MED13L: variants seen among roughly 807,000 people sequenced by gnomAD.
MED13L encodes mediator of RNA polymerase II transcription subunit 13-like.
In MED13L, 7 loss-of-function variants were observed where a neutral mutation model predicts 220.9. The ratio of observed to expected loss-of-function variants is 0.03; its 90% CI spans 0.02 to 0.06. The LOEUF is 0.06. MED13L is among the 10% of genes least tolerant of loss of function. The probability of loss-of-function intolerance (pLI) is 1.00; values close to 1 mark genes in which losing one functional copy is unlikely to be tolerated. For synonymous variants in MED13L, 1,011 were observed against 1,015.2 expected, an observed-to-expected ratio of 1.00 and a Z score of 0.08; for missense variants, 1,965 against 2,760.5, an observed-to-expected ratio of 0.71 and a Z score of 6.46.
At chr12:115,997,840 TAAG>T (rs1439070955) in intron 14 of MED13L, among the ~76,000 whole-genome samples, 1 of 152,242 alleles carries the variant, frequency 6.6e-6, no homozygotes, top group Non-Finnish European at 1.5e-5. Context: ...CTGAAAAGTC[TAAG>T]GAGAGGAATT....
Position 116,111,493 on chromosome 12 carries a change from C to A in MED13L, c.330G>T (p.Trp110Cys). The change falls in exon 3 of 31, where the codon TGG (tryptophan) becomes TGT (cysteine). Residue 110 changes from tryptophan to cysteine, a missense_variant. Physicochemically the swap from Trp to Cys is radical, Grantham distance 215. Around this residue, in one of 10 missense-constraint regions of MED13L, gnomAD observed 818 missense variants for 1,041.2 expected, o/e 0.79. Coordinates refer to ENST00000281928, the MANE Select transcript of MED13L (RefSeq NM_015335.5). ...HELQVVEEGLWENGLSYECRT... is the reference protein window; with the variant it reads ...HELQVVEEGLCENGLSYECRT... ...TACATTCATAGGAAAGGCCATTTTC[C>A]CAGAGTCCTTCTTCCACAACTGAAA... 1 of 1,609,234 alleles carries A rather than the reference C, an allele frequency of 6.2e-7. No homozygotes were observed.
chr12:116,087,265 CA>C (rs1425589424), intron 4 of MED13L, among the ~76,000 whole-genome samples: 2 of 151,852 alleles, frequency 1.3e-5, no homozygotes, highest in African/African-American at 4.8e-5. Flanking sequence ...AAATTCATCA[CA>C]AAAAAGGCAA....
chr12:116,045,021 A>G (rs1881750023), intron 4 of MED13L, among the ~76,000 whole-genome samples: 1 of 152,202 alleles, frequency 6.6e-6, no homozygotes, highest in African/African-American at 2.4e-5. Context: ...GACCCTACAG[A>G]TAACTACAAA....
chr12:116,135,230 A>C (rs58471589), intron 2 of MED13L, among the ~76,000 whole-genome samples: 22,712 of 152,180 alleles, frequency 0.15, 1,909 homozygotes, highest in Middle Eastern at 0.21. Flanking sequence ...AGGTTAGAAA[A>C]GCCATGCAAG....
chr12:116,170,563 A>G (rs1260486186), intron 2 of MED13L, among the ~76,000 whole-genome samples: 1 of 151,850 alleles, frequency 6.6e-6, no homozygotes, highest in Non-Finnish European at 1.5e-5. Context: ...ACATGTATTA[A>G]AGGGTCAAAA....
intron 2 of MED13L, among the ~76,000 whole-genome samples, chr12:116,189,409 G>A (rs1316680756): frequency 4.0e-5 from 6 of 151,812 alleles, no homozygotes; most frequent in Non-Finnish European, 7.4e-5. Flanking sequence ...CTAGCTCTCT[G>A]TCAGACATGC....
chr12:115,985,766 A>G (rs1877648331), intron 19 of MED13L, among the ~76,000 whole-genome samples: 1 of 152,232 alleles, frequency 6.6e-6, no homozygotes, highest in South Asian at 2.1e-4. Context: ...TTCAGTATTA[A>G]GATGTCATGT....
chr12:116,121,729 C>A (rs1199048009), intron 2 of MED13L, among the ~76,000 whole-genome samples: 1 of 152,172 alleles, frequency 6.6e-6, no homozygotes, highest in Non-Finnish European at 1.5e-5. Flanking sequence ...AAATGAACGT[C>A]TAGACATCAA....
In MED13L at chr12:116,084,646, G is replaced by A. The variant is rs192697957; in HGVS notation, c.479+12023C>T. Among the ~76,000 whole-genome samples, 21 of 152,056 alleles carry A rather than the reference G, an allele frequency of 1.4e-4. No individual in the cohort carries two copies. The East Asian group carries it at 2.9e-3, about 21-fold the overall frequency. ...TCTAAAATACAAAAATTAGCCGGGC[G>A]TGGTGGCATGCACCTGTAATCCCAG... On this transcript the variant is annotated intron_variant, in intron 4 of 30. Coordinates refer to ENST00000281928, the MANE Select transcript of MED13L (RefSeq NM_015335.5).
At chr12:116,263,472 A>G (rs887177160) in intron 1 of MED13L, among the ~76,000 whole-genome samples, 4 of 152,180 alleles carry the variant, frequency 2.6e-5, no homozygotes, top group Non-Finnish European at 5.9e-5. Flanking sequence ...CTCCTCCCAC[A>G]CTAACTATTC....
Position 115,980,954 on chromosome 12 carries a change from C to CAAAAAA in MED13L, c.5176-22_5176-17dup. 7.4e-7 allele frequency: 1 copy of CAAAAAA among 1,357,928 alleles called. No individual in the cohort carries two copies. The highest frequency in any genetic ancestry group is 1.0e-6 in the Non-Finnish European group (1 of 999,290). The allele number at this position is 1,357,928 out of a possible 1,614,324, so 84.1% of individuals were successfully genotyped here. On this transcript the variant is annotated splice_polypyrimidine_tract_variant and intron_variant, in intron 22 of 30. Coordinates refer to ENST00000281928, the MANE Select transcript of MED13L (RefSeq NM_015335.5). ...AAGGCACAATCTAAAGACACAAATA[C>CAAAAAA]AAAAAAAAAACAAAAACCAAAAACC...
intron 27 of MED13L, 53 bp from the exon 28 acceptor site, chr12:115,969,150 T>C (rs1465122693): frequency 4.5e-6 from 7 of 1,569,698 alleles, no homozygotes; most frequent in Non-Finnish European, 4.4e-6. Flanking sequence ...AGTCCACATA[T>C]CAATATCATA....
chr12:116,277,213 T>G lies in MED13L; in HGVS notation c.-82A>C, dbSNP rs1008495312. 5 of 830,752 alleles carry G rather than the reference T, an allele frequency of 6.0e-6. No individual in the cohort carries two copies. Among genetic ancestry groups the G allele is most frequent in the African/African-American group, 1.9e-5 (1 of 52,574 alleles). 51.5% of individuals were successfully genotyped at this position (830,752 alleles called of 1,614,324 possible). ...CGAGGCCGGGCCGGGCGGCGGCGCC[T>G]CGCCGGGGAGCGCGGGGCGGCCGGG... On this transcript the variant is annotated 5_prime_UTR_variant, in exon 1 of 31. Coordinates refer to ENST00000281928, the MANE Select transcript of MED13L (RefSeq NM_015335.5).
intron 2 of MED13L, among the ~76,000 whole-genome samples, chr12:116,170,156 T>C (rs1375037778): frequency 2.0e-5 from 3 of 152,256 alleles, no homozygotes; most frequent in Admixed American, 1.3e-4. Flanking sequence ...ACAGATTCTG[T>C]ATGTTGACAC....
At chr12:116,239,574 C>G (rs973053397) in intron 1 of MED13L, among the ~76,000 whole-genome samples, 1 of 152,064 alleles carries the variant, frequency 6.6e-6, no homozygotes, top group Non-Finnish European at 1.5e-5. Context: ...ATAATTTAGC[C>G]ATCCCATACC....
chr12:116,073,512 G>A (rs1057045334), intron 4 of MED13L, among the ~76,000 whole-genome samples: 4 of 152,164 alleles, frequency 2.6e-5, no homozygotes, highest in African/African-American at 9.7e-5. Flanking sequence ...CTAAATGAAT[G>A]TAAAAGAGTG....
At chr12:116,224,397 C>T (rs1006866495) in intron 2 of MED13L, among the ~76,000 whole-genome samples, 2 of 152,138 alleles carry the variant, frequency 1.3e-5, no homozygotes, top group Admixed American at 1.3e-4. Context: ...AAAATCAACT[C>T]GTCCTCAAGG....
Position 115,975,153 on chromosome 12 carries a change from T to G in MED13L, c.5731+18A>C, listed in dbSNP as rs1186565171. On this transcript the variant is annotated intron_variant, in intron 25 of 30. Transcript: ENST00000281928. ...TTTTCCTCTGTCTTCTGCAAATACT[T>G]CTTCAAAAATTTCTCACCTTTAAGC... 6.2e-7 allele frequency: 1 copy of G among 1,613,804 alleles called. No homozygotes were observed. Among genetic ancestry groups the G allele is most frequent in the Non-Finnish European group, 8.5e-7 (1 of 1,179,774 alleles).
At chr12:116,054,531 T>A (rs1868788517) in intron 4 of MED13L, among the ~76,000 whole-genome samples, 1 of 152,200 alleles carries the variant, frequency 6.6e-6, no homozygotes, top group Non-Finnish European at 1.5e-5. Context: ...CTTTTGCACA[T>A]GACTCTATAA....
Sources: gnomAD v4.1 joint callset for allele counts (sites outside exome capture counted in the v4.1 genomes callset) on GRCh38, gnomAD v4.1.1 for gene constraint, gnomAD v4.1.1 regional missense constraint, MANE v1.5 for transcripts, NCBI Gene and HGNC (gene_info 2026-07-23, HGNC 2026-07-21) for gene names.